Variants in FGF14 observed in about 807,000 individuals in gnomAD.
The protein encoded by FGF14 is fibroblast growth factor 14, also known as fibroblast growth factor homologous factor 4.
Under a neutral mutation model 25.5 loss-of-function variants are expected in FGF14, and 5 were observed. The observed-to-expected ratio is 0.20, with a 90% CI of 0.10 to 0.41. The LOEUF (loss-of-function observed/expected upper bound fraction) is 0.41, where lower values mean the gene tolerates loss of function less well. Ranked by LOEUF, FGF14 falls within the 10% of genes least tolerant of loss-of-function variation. FGF14 has a pLI of 1.00. For synonymous variants in FGF14, 138 were observed against 118.3 expected, an observed-to-expected ratio of 1.17 and a Z score of -1.08; for missense variants, 222 against 320.1, an observed-to-expected ratio of 0.69 and a Z score of 2.34.
Position 101,715,250 on chromosome 13 carries a change from T to C in FGF14, c.*7581A>G, listed in dbSNP as rs1188605442. 6 of 245,944 alleles carry C rather than the reference T, an allele frequency of 2.4e-5. No homozygotes were observed. Among genetic ancestry groups the C allele is most frequent in the African/African-American group, 1.3e-4 (6 of 44,446 alleles). The allele number at this position is 245,944 out of a possible 1,614,324, so 15.2% of individuals were successfully genotyped here. On this transcript the variant is annotated 3_prime_UTR_variant, in exon 5 of 5. Coordinates refer to ENST00000376143, the MANE Select transcript of FGF14 (RefSeq NM_004115.4). ...AAAGAGCCTTATGTTTTTCTGTATT[T>C]ATTCATAAGTCAGATATAACTTGCT... is the stretch of plus-strand genomic sequence containing the variant.
At position 102,337,338 on chromosome 13, in the gene FGF14, G is replaced by A. The variant is rs560154332; in HGVS notation, c.208+64133C>T. 3.5e-4 allele frequency among the ~76,000 whole-genome samples: 54 copies of A among 152,232 alleles called. 2 individuals carry two copies. The South Asian group carries it at 0.011, about 31-fold the overall frequency. On this transcript the variant is annotated intron_variant, in intron 1 of 4. Transcript: ENST00000376131. Reference sequence around the variant, plus strand: ...TCAGTGAAGGAAGTAACTACTGATTGGGTTGAAAAAGCAAGAGAATTAGAA... The same window carrying A: ...TCAGTGAAGGAAGTAACTACTGATTAGGTTGAAAAAGCAAGAGAATTAGAA...
chr13:101,947,138 C>T (rs916284772), intron 1 of FGF14, among the ~76,000 whole-genome samples: 2 of 152,130 alleles, frequency 1.3e-5, no homozygotes, highest in South Asian at 2.1e-4. Flanking sequence ...CAATGAGATA[C>T]CATCTCACTC....
intron 3 of FGF14, among the ~76,000 whole-genome samples, chr13:101,843,379 T>C (rs891210403): frequency 5.3e-5 from 8 of 151,884 alleles, no homozygotes; most frequent in Non-Finnish European, 1.0e-4. Flanking sequence ...GAGATGCTTA[T>C]AGCATAAGGG....
intron 3 of FGF14, among the ~76,000 whole-genome samples, chr13:101,732,344 T>G (rs2035863902): frequency 6.6e-6 from 1 of 152,212 alleles, no homozygotes; most frequent in African/African-American, 2.4e-5. Flanking sequence ...AATCATAACA[T>G]TTTTTAGAAT....
chr13:101,726,435 G>A (rs2035441522), intron 4 of FGF14, among the ~76,000 whole-genome samples, 177 bp downstream of exon 4: 1 of 151,706 alleles, frequency 6.6e-6, no homozygotes, highest in African/African-American at 2.4e-5. Context: ...AGTGTATAAG[G>A]GGCACAAATT....
intron 3 of FGF14, among the ~76,000 whole-genome samples, chr13:101,838,059 C>T (rs2043010254): frequency 2.0e-5 from 3 of 151,946 alleles, no homozygotes; most frequent in South Asian, 4.1e-4. Flanking sequence ...CTTTGGGATT[C>T]GGACTGGCTT....
chr13:102,239,356 T>G (rs142794303), intron 1 of FGF14, among the ~76,000 whole-genome samples: 131 of 152,318 alleles, frequency 8.6e-4, no homozygotes, highest in African/African-American at 3.1e-3. Flanking sequence ...ATTTGTTCCA[T>G]TAGTGCTACA....
intron 3 of FGF14, among the ~76,000 whole-genome samples, chr13:101,829,414 T>C (rs1172398831): frequency 1.3e-5 from 2 of 152,056 alleles, no homozygotes; most frequent in African/African-American, 4.8e-5. Flanking sequence ...ATCACAAACA[T>C]TGAAAGCCTG....
At chr13:102,151,423 A>G (rs1566748896) in intron 1 of FGF14, among the ~76,000 whole-genome samples, 1 of 152,028 alleles carries the variant, frequency 6.6e-6, no homozygotes, top group Non-Finnish European at 1.5e-5. Flanking sequence ...AAAGCCCCCT[A>G]CTCCCAAAAC....
chr13:102,185,463 A>G (rs913959264), intron 1 of FGF14, among the ~76,000 whole-genome samples: 1 of 152,262 alleles, frequency 6.6e-6, no homozygotes, highest in Middle Eastern at 3.4e-3. Context: ...TCACATTTTA[A>G]TCCATGTTAA....
intron 3 of FGF14, among the ~76,000 whole-genome samples, chr13:101,792,646 C>A (rs1269439656): frequency 6.6e-6 from 1 of 152,126 alleles, no homozygotes; most frequent in African/African-American, 2.4e-5. Flanking sequence ...CATCATAAAA[C>A]AAATCTTGTG....
chr13:101,988,874 T>C (rs939791638), intron 1 of FGF14, among the ~76,000 whole-genome samples: 13 of 152,070 alleles, frequency 8.5e-5, no homozygotes, highest in African/African-American at 2.6e-4. Flanking sequence ...AAATAAAATA[T>C]ATGTTTTGTT....
intron 1 of FGF14, among the ~76,000 whole-genome samples, chr13:101,876,053 A>C (rs1171288715): frequency 6.6e-6 from 1 of 152,220 alleles, no homozygotes; most frequent in Non-Finnish European, 1.5e-5. Flanking sequence ...GTTATACAAT[A>C]TGAAATCTGA....
At chr13:101,745,282 A>G (rs957217576) in intron 3 of FGF14, among the ~76,000 whole-genome samples, 1 of 151,674 alleles carries the variant, frequency 6.6e-6, no homozygotes, top group African/African-American at 2.4e-5. Context: ...CCCATGCCTA[A>G]CTCCTCCCCA....
chr13:102,399,617 T>C (rs1270754784), intron 1 of FGF14, among the ~76,000 whole-genome samples: 1 of 152,128 alleles, frequency 6.6e-6, no homozygotes, highest in African/African-American at 2.4e-5. Flanking sequence ...TTGGAGTACA[T>C]CTTGGGGTAC....
chr13:101,932,322 A>C (rs2034805848), intron 1 of FGF14, among the ~76,000 whole-genome samples: 2 of 151,946 alleles, frequency 1.3e-5, no homozygotes, highest in African/African-American at 4.8e-5. Context: ...CTGAGGTCAG[A>C]AGTTTGTGAC....
At chr13:102,258,179 A>T (rs9300727) in intron 1 of FGF14, among the ~76,000 whole-genome samples, 23,645 of 152,050 alleles carry the variant, frequency 0.16, 2,033 homozygotes, top group East Asian at 0.39. Context: ...AGCTGCCCCC[A>T]TGACTCAATT....
At chr13:102,227,817 C>T (rs540299868) in intron 1 of FGF14, among the ~76,000 whole-genome samples, 15 of 152,144 alleles carry the variant, frequency 9.9e-5, no homozygotes, top group East Asian at 3.9e-4. Flanking sequence ...CCATTGTGTT[C>T]GCAGAATAAC....
chr13:101,879,092 T>C (rs368989707), intron 1 of FGF14, among the ~76,000 whole-genome samples: 22 of 152,294 alleles, frequency 1.4e-4, no homozygotes, highest in African/African-American at 5.3e-4. Flanking sequence ...TTTTAACTCA[T>C]AAAATTATTA....
Sources: allele counts gnomAD v4.1 joint callset (sites outside exome capture counted in the v4.1 genomes callset), GRCh38; gene constraint gnomAD v4.1.1; transcripts MANE v1.5; gene names NCBI Gene and HGNC (gene_info 2026-07-23, HGNC 2026-07-21).